The following LRRC74B variants were observed in gnomAD, a reference collection of about 807,000 sequenced individuals.
LRRC74B encodes leucine-rich repeat-containing protein 74B.
A neutral mutation model predicts 16.6 loss-of-function variants in LRRC74B; 30 were observed. The observed-to-expected ratio is 1.80, with a 90% CI of 1.35 to 2.45. The LOEUF (loss-of-function observed/expected upper bound fraction) is 2.45, where lower values mean the gene tolerates loss of function less well. Ranked by LOEUF, LRRC74B falls within the 30% of genes most tolerant of loss-of-function variation. The probability of loss-of-function intolerance (pLI) is 0.00; values close to 1 mark genes in which losing one functional copy is unlikely to be tolerated. For synonymous variants in LRRC74B, 134 were observed against 86.0 expected (o/e 1.56, Z -3.09); for missense variants, 326 against 202.4 (o/e 1.61, Z -3.71).
intron 4 of LRRC74B, among the ~76,000 whole-genome samples, chr22:21,049,838 C>T (rs1929846498): frequency 6.6e-6 from 1 of 152,144 alleles, no homozygotes; most frequent in African/African-American, 2.4e-5. Flanking sequence ...CTGTCATGCC[C>T]CTGAGCATAT....
At chr22:21,055,500 C>G (rs909345632) in intron 7 of LRRC74B, among the ~76,000 whole-genome samples, 2 of 152,176 alleles carry the variant, frequency 1.3e-5, no homozygotes, top group African/African-American at 4.8e-5. Flanking sequence ...CAGGCCCCAC[C>G]CAGGTGTTCT....
chr22:21,048,090 G>T, intron 3 of LRRC74B, 74 bp downstream of exon 3: 1 of 707,502 alleles, frequency 1.4e-6, no homozygotes, highest in Non-Finnish European at 2.6e-6. Context: ...ATCGTTGAAA[G>T]CTGGGCCGTG....
At chr22:21,046,890 G>A (rs1313486727) in intron 1 of LRRC74B, among the ~76,000 whole-genome samples, 1 of 151,862 alleles carries the variant, frequency 6.6e-6, no homozygotes, top group Non-Finnish European at 1.5e-5. Flanking sequence ...TCAGGAGTTC[G>A]AGACCAGCCT....
intron 8 of LRRC74B, among the ~76,000 whole-genome samples, chr22:21,058,052 A>ATTT (rs538672719): frequency 1.5e-5 from 2 of 134,090 alleles, no homozygotes; most frequent in African/African-American, 5.5e-5. Flanking sequence ...CGCCCGGCTG[A>ATTT]TTTTTTTTTT....
chr22:21,053,346 CTT>C lies in LRRC74B; in HGVS notation c.733-12_733-11del. The C allele has an allele frequency of 1.4e-6, 1 of 716,132 alleles. No individual in the cohort carries two copies. Among genetic ancestry groups the C allele is most frequent in the South Asian group, 1.5e-5 (1 of 66,994 alleles). The allele number at this position is 716,132 out of a possible 1,614,324, so 44.4% of individuals were successfully genotyped here. On this transcript the variant is annotated splice_polypyrimidine_tract_variant and intron_variant, in intron 5 of 8. Transcript: ENST00000442047. ...TCAGATGGGGTCCCATGACTTCACT[CTT>C]TGGTATTCTAGGCAAACATCTTCCT... is the stretch of plus-strand genomic sequence containing the variant.
At chr22:21,051,802 C>T (rs741415) in intron 4 of LRRC74B, among the ~76,000 whole-genome samples, 43,001 of 151,946 alleles carry the variant, frequency 0.28, 7,276 homozygotes, top group East Asian at 0.63. Flanking sequence ...TCCAAGCCTG[C>T]GTGCATTTCC....
intron 4 of LRRC74B, among the ~76,000 whole-genome samples, chr22:21,050,506 C>T (rs564624302): frequency 1.5e-4 from 22 of 151,120 alleles, no homozygotes; most frequent in African/African-American, 4.1e-4. Context: ...TGGCCGGGCC[C>T]GGTGGCTCAC....
rs758829588 is a variant in LRRC74B at position 21,047,471 on chromosome 22, C to T, written c.255C>T (p.Asn85=). 9.8e-6 allele frequency: 7 copies of T among 717,524 alleles called. No homozygotes were observed. In the South Asian group the frequency reaches 1.0e-4, roughly 11 times the overall value. 44.4% of individuals were successfully genotyped at this position (717,524 alleles called of 1,614,324 possible). The change falls in exon 2 of 9, where the codon AAC becomes AAT. Residue 85 remains asparagine, a synonymous_variant. Coordinates refer to ENST00000442047, the Ensembl canonical transcript of LRRC74B. The stretch of plus-strand genomic sequence containing the variant: ...GCCAAGGGAGCGCCCAAGAGCTGAA[C>T]CTCCGGCACCGTGGCCTGGGGCCCC...
intron 8 of LRRC74B, among the ~76,000 whole-genome samples, chr22:21,058,846 T>A (rs531027522): frequency 6.6e-6 from 1 of 152,320 alleles, no homozygotes; most frequent in African/African-American, 2.4e-5. Flanking sequence ...CCCCTAGTCT[T>A]GTGGGAATGC....
intron 1 of LRRC74B, among the ~76,000 whole-genome samples, chr22:21,046,511 A>C (rs1929448920): frequency 6.6e-6 from 1 of 152,168 alleles, no homozygotes; most frequent in Non-Finnish European, 1.5e-5. Context: ...CAGAGGCCTG[A>C]CTCTGGCAGG....
chr22:21,063,025 T>C (rs11703488), downstream of LRRC74B: 9,934 of 136,628 alleles, frequency 0.073, 434 homozygotes, highest in Non-Finnish European at 0.097. Context: ...AGTGGGAACC[T>C]GTCTCGAAAA....
At chr22:21,055,695 A>G (rs533693199) in intron 7 of LRRC74B, among the ~76,000 whole-genome samples, 3 of 152,266 alleles carry the variant, frequency 2.0e-5, no homozygotes, top group East Asian at 3.9e-4. Context: ...GCTGGGGGAC[A>G]GTATTGCCAG....
intron 4 of LRRC74B, among the ~76,000 whole-genome samples, chr22:21,050,314 T>C (rs1418438611): frequency 4.7e-5 from 7 of 150,262 alleles, no homozygotes; most frequent in Non-Finnish European, 1.0e-4. Context: ...CGATTACAGG[T>C]GTGGGCCACC....
At chr22:21,058,250 C>T (rs544354071) in intron 8 of LRRC74B, among the ~76,000 whole-genome samples, 7 of 151,908 alleles carry the variant, frequency 4.6e-5, no homozygotes, top group South Asian at 2.1e-4. Flanking sequence ...TGGCTCACAC[C>T]TATAATCTTA....
At chr22:21,050,777 CAAAAAAAA>C (rs71188205) in intron 4 of LRRC74B, among the ~76,000 whole-genome samples, 66,101 of 104,380 alleles carry the variant, frequency 0.63, 19,227 homozygotes, top group Middle Eastern at 0.77. Context: ...GACTCTGTCT[CAAAAAAAA>C]AAAAAAAAAA....
At chr22:21,060,334 T>C (rs780396471) in intron 8 of LRRC74B, 39 bp from the exon 9 acceptor site, 1 of 642,046 alleles carries the variant, frequency 1.6e-6, no homozygotes, top group South Asian at 1.8e-5. Flanking sequence ...AGTTCTCAGA[T>C]AGTAACAAAG....
intron 7 of LRRC74B, chr22:21,056,559 T>C (rs1930532421): frequency 1.4e-5 from 2 of 147,658 alleles, no homozygotes; most frequent in South Asian, 2.1e-4. Context: ...TGCCAGCCCC[T>C]CTCTTCCAAG....
At chr22:21,057,812 T>G (rs970345266) in intron 8 of LRRC74B, among the ~76,000 whole-genome samples, 1 of 146,202 alleles carries the variant, frequency 6.8e-6, no homozygotes, top group African/African-American at 2.5e-5. Context: ...GCTTGCTATG[T>G]TGCCCAGGCT....
At chr22:21,048,690 C>A (rs968599143) in intron 3 of LRRC74B, 5 of 494,248 alleles carry the variant, frequency 1.0e-5, no homozygotes, top group African/African-American at 5.8e-5. Context: ...GTATAGCTGC[C>A]CCCCACCACA....
Sources: gnomAD v4.1 joint callset for allele counts (sites outside exome capture counted in the v4.1 genomes callset) on GRCh38, gnomAD v4.1.1 for gene constraint, MANE v1.5 for transcripts, NCBI Gene and HGNC (gene_info 2026-07-23, HGNC 2026-07-21) for gene names.